The following PPT1 variants were observed in gnomAD, a reference collection of about 807,000 sequenced individuals.
The protein encoded by PPT1 is ceroid-palmitoyl-palmitoyl-protein thioesterase 1.
In PPT1, 24 loss-of-function variants were observed where a neutral mutation model predicts 44.0. The ratio of observed to expected loss-of-function variants is 0.54; its 90% CI spans 0.39 to 0.77. The LOEUF is 0.77. Among genes scored for constraint, PPT1 ranks in the 30% least tolerant of loss-of-function variants. The probability of loss-of-function intolerance (pLI) is 0.00; values close to 1 mark genes in which losing one functional copy is unlikely to be tolerated. For missense variants in PPT1, 341 were observed against 378.8 expected (o/e 0.90, Z 0.83); for synonymous variants, 148 against 140.2 (o/e 1.06, Z -0.39).
intron 5 of PPT1, among the ~76,000 whole-genome samples, chr1:40,085,036 T>A (rs1381034967): frequency 1.3e-5 from 2 of 152,076 alleles, no homozygotes; most frequent in Non-Finnish European, 2.9e-5. Context: ...TAGAGAAGCC[T>A]CTACTCCTCC....
intron 8 of PPT1, among the ~76,000 whole-genome samples, chr1:40,076,456 C>T (rs1448212232): frequency 1.3e-5 from 2 of 152,116 alleles, no homozygotes; most frequent in African/African-American, 4.8e-5. Flanking sequence ...CAGAGCGAGA[C>T]CCCGTCTCAA....
chr1:40,090,460 G>A (rs1649504777), intron 4 of PPT1, among the ~76,000 whole-genome samples: 2 of 151,878 alleles, frequency 1.3e-5, no homozygotes, highest in South Asian at 4.2e-4. Context: ...GTCTATGTAT[G>A]TATGTGCATA....
At chr1:40,085,678 T>TTA (rs1266926078) in intron 5 of PPT1, among the ~76,000 whole-genome samples, 1 of 152,188 alleles carries the variant, frequency 6.6e-6, no homozygotes, top group African/African-American at 2.4e-5. Context: ...ATGATTAGCA[T>TTA]TTTTTAGCAA....
chr1:40,072,262 A>C (rs975247790), downstream of PPT1: 10 of 292,546 alleles, frequency 3.4e-5, no homozygotes, highest in African/African-American at 3.3e-4. Context: ...GAAAAAAAAA[A>C]AAAAAAAAAC....
chr1:40,075,617 C>T (rs1648575883), intron 8 of PPT1, among the ~76,000 whole-genome samples: 1 of 151,798 alleles, frequency 6.6e-6, no homozygotes. Context: ...TTCTAGTAGA[C>T]GGTGATTGGT....
chr1:40,079,660 T>G (rs1648821732), intron 6 of PPT1, among the ~76,000 whole-genome samples: 1 of 152,110 alleles, frequency 6.6e-6, no homozygotes, highest in Non-Finnish European at 1.5e-5. Context: ...CCTCCCAAAG[T>G]GCTGGGATTA....
Position 40,090,436 on chromosome 1 carries a change from A to ATG in PPT1, c.433+891_433+892dup, listed in dbSNP as rs1257276629. Among the ~76,000 whole-genome samples, 5 of 83,840 alleles carry ATG rather than the reference A, an allele frequency of 6.0e-5. No individual in the cohort carries two copies. In the South Asian group the frequency reaches 1.2e-3, roughly 20 times the overall value. The allele number at this position is 83,840 out of a possible 152,430, so 55.0% of individuals were successfully genotyped here. On this transcript the variant is annotated intron_variant, in intron 4 of 8. Coordinates refer to ENST00000642050, the MANE Select transcript of PPT1 (RefSeq NM_000310.4). ...TATGTATGTGTGTATATAGGTGCAT[A>ATG]TGTGTATATATATGTCTATGTATGT...
chr1:40,092,330 C>T, intron 2 of PPT1, 68 bp downstream of exon 2: 6 of 1,529,986 alleles, frequency 3.9e-6, no homozygotes, highest in Non-Finnish European at 5.4e-6. Context: ...CAAGGCAAAG[C>T]ATTTTAACAG....
intron 6 of PPT1, 172 bp from the exon 7 acceptor site, chr1:40,078,830 T>TC: frequency 1.5e-6 from 1 of 648,336 alleles, no homozygotes; most frequent in South Asian, 1.6e-5. Context: ...CTTTTTTTTT[T>TC]CTTTTTTTCT....
At position 40,074,062 on chromosome 1, in the gene PPT1, C is replaced by G; in HGVS notation, c.920G>C (p.Ter307SerextTer7). ...GCTCTATTGTGAACTATACGGGTTT[C>G]ATCCAAGGAATGGTATGATGTGGGC... The part of the protein sequence containing the change: ...FYAHIIPFLG[*>S] Residue 307 changes from the stop codon to serine (S), a stop_lost, in exon 9 of 9, where the codon TGA becomes TCA. Transcript: ENST00000642050. 6.2e-7 allele frequency: 1 copy of G among 1,614,140 alleles called. No individual in the cohort carries two copies. Among genetic ancestry groups the G allele is most frequent in the East Asian group, 2.2e-5 (1 of 44,882 alleles).
At chr1:40,096,260 ATATGT>A (rs1450238063) in intron 1 of PPT1, among the ~76,000 whole-genome samples, 1 of 152,096 alleles carries the variant, frequency 6.6e-6, no homozygotes, top group African/African-American at 2.4e-5. Context: ...TCACCATTTG[ATATGT>A]TATGTTTTAC....
chr1:40,092,017 T>A (rs1473323572), intron 3 of PPT1, 28 bp downstream of exon 3: 1 of 1,612,802 alleles, frequency 6.2e-7, no homozygotes, highest in South Asian at 1.1e-5. Context: ...TCCATATAAG[T>A]GGTACAATAT....
At chr1:40,076,772 A>T (rs1648650537) in intron 8 of PPT1, 70 bp downstream of exon 8, 2 of 1,611,234 alleles carry the variant, frequency 1.2e-6, no homozygotes, top group Non-Finnish European at 1.7e-6. Flanking sequence ...AGCACCAAAG[A>T]ACATAGCAGC....
At position 40,093,819 on chromosome 1, in the gene PPT1, G is replaced by A; in HGVS notation, c.125-1312C>T. The stretch of plus-strand genomic sequence containing the variant: ...GAATCGCTTGAAACTGAAAGGTGGA[G>A]GTTTCAGTGAGCCAAGATCATGCCA... On this transcript the variant is annotated intron_variant, in intron 1 of 8. Coordinates refer to ENST00000642050, the MANE Select transcript of PPT1 (RefSeq NM_000310.4). The A allele has an allele frequency of 6.1e-6, 3 of 488,382 alleles. 1 individual carries two copies. The highest frequency in any genetic ancestry group is 1.1e-5 in the Non-Finnish European group (3 of 264,004). 30.3% of individuals were successfully genotyped at this position (488,382 alleles called of 1,614,324 possible). A position where few individuals can be genotyped will look rare whatever the true frequency, so the allele number is the denominator to read the frequency against.
chr1:40,076,680 C>A, intron 8 of PPT1, 162 bp downstream of exon 8: 1 of 1,487,442 alleles, frequency 6.7e-7, no homozygotes, highest in Non-Finnish European at 8.9e-7. Context: ...TAATCAAGAG[C>A]CTAACAAGCT....
rs769125787 is a variant in PPT1 at position 40,074,142 on chromosome 1, T to C, written c.840A>G (p.Leu280=). 1.9e-6 allele frequency: 3 copies of C among 1,614,178 alleles called. No individual in the cohort carries two copies. The highest frequency in any genetic ancestry group is 2.5e-6 in the Non-Finnish European group (3 of 1,179,998). The stretch of plus-strand genomic sequence containing the variant: ...GGTCCCCTTCTGTAGCCAGAAACAC[T>C]AGCTGTCCTGCATTGTCCATTTCCT... ...GLKEMDNAGQ[L]VFLATEGDHL... The change falls in exon 9 of 9, where the codon CTA becomes CTG. Residue 280 remains leucine, a synonymous_variant. Transcript: ENST00000642050.
intron 5 of PPT1, chr1:40,082,283 T>A (rs976983894): frequency 2.0e-5 from 3 of 152,150 alleles, no homozygotes; most frequent in African/African-American, 7.2e-5. Flanking sequence ...GCCAGCTACG[T>A]CAGAGATGGA....
At chr1:40,072,512 T>TA (rs1648255469), downstream of PPT1, 1 of 155,860 alleles carries the variant, frequency 6.4e-6, no homozygotes, top group African/African-American at 2.4e-5. Flanking sequence ...GACAAACACT[T>TA]ACCAAAATAT....
intron 5 of PPT1, among the ~76,000 whole-genome samples, chr1:40,085,005 C>T (rs1191673518): frequency 6.6e-6 from 1 of 152,146 alleles, no homozygotes; most frequent in African/African-American, 2.4e-5. Flanking sequence ...GAAAGGGAGT[C>T]TCCCTTTCCC....
Sources: allele counts gnomAD v4.1 joint callset (sites outside exome capture counted in the v4.1 genomes callset), GRCh38; gene constraint gnomAD v4.1.1; transcripts MANE v1.5; gene names NCBI Gene and HGNC (gene_info 2026-07-23, HGNC 2026-07-21).